Variants in VRTN observed in about 807,000 individuals in gnomAD.
The protein encoded by VRTN is vertnin.
A neutral mutation model predicts 18.2 loss-of-function variants in VRTN; 5 were observed. The observed-to-expected ratio is 0.27, with a 90% CI of 0.14 to 0.58. VRTN has a LOEUF of 0.58. Ranked by LOEUF, VRTN falls within the 20% of genes least tolerant of loss-of-function variation. The pLI is 0.91. For missense variants in VRTN, 741 were observed against 939.4 expected (o/e 0.79, Z 2.76); for synonymous variants, 381 against 393.7 (o/e 0.97, Z 0.38).
intron 1 of VRTN, among the ~76,000 whole-genome samples, chr14:74,307,538 T>C (rs2140190348): frequency 6.6e-6 from 1 of 152,198 alleles, no homozygotes; most frequent in South Asian, 2.1e-4. Flanking sequence ...AAAAAGAGTG[T>C]ATTGCATTGA....
In VRTN at chr14:74,335,152, A is replaced by G. The variant is rs1475380747; in HGVS notation, c.-163-2571A>G. Reference sequence around the variant, plus strand: ...CAAAATTAGCCAGGTGTGGTGGTGCATGCCTGCAATCCCAGTTACTAGGGA... The same window carrying G: ...CAAAATTAGCCAGGTGTGGTGGTGCGTGCCTGCAATCCCAGTTACTAGGGA... On this transcript the variant is annotated intron_variant, in intron 1 of 2. Coordinates refer to the VRTN transcript ENST00000557177. 2.6e-5 allele frequency among the ~76,000 whole-genome samples: 4 copies of G among 152,142 alleles called. No individual in the cohort carries two copies. In the East Asian group the frequency reaches 5.8e-4, roughly 22 times the overall value.
At chr14:74,308,102 C>G (rs1292995239) in intron 1 of VRTN, among the ~76,000 whole-genome samples, 1 of 151,696 alleles carries the variant, frequency 6.6e-6, no homozygotes, top group Admixed American at 6.6e-5. Context: ...TTATTTTTTT[C>G]TTTTCTAGGT....
intron 1 of VRTN, among the ~76,000 whole-genome samples, chr14:74,318,361 C>G (rs2085431294): frequency 6.6e-6 from 1 of 152,044 alleles, no homozygotes; most frequent in African/African-American, 2.4e-5. Context: ...ACCTCCGCCT[C>G]CTGGATTCAA....
In VRTN at chr14:74,357,851, C is replaced by T. The variant is rs1055285823; in HGVS notation, c.1068C>T (p.Gly356=). The change falls in exon 2 of 2, where the codon GGC becomes GGT. Residue 356 remains glycine (G), a synonymous_variant. Coordinates refer to ENST00000256362, the MANE Select transcript of VRTN (RefSeq NM_018228.3). This position sits in a 1 kb window ranked among gnomAD's most constrained non-coding sequence, Gnocchi z 7.8. The part of the protein sequence containing the change: ...TYYAWKHELL[G]SGTCPALPPR... ...ATGCCTGGAAGCATGAGCTGCTGGG[C>T]TCTGGCACCTGCCCGGCCTTGCCCC... 2.5e-6 allele frequency: 4 copies of T among 1,613,800 alleles called. No homozygotes were observed. The highest frequency in any genetic ancestry group is 1.7e-5 in the Admixed American group (1 of 60,022).
chr14:74,338,329 T>C (rs533079787), intron 2 of VRTN, among the ~76,000 whole-genome samples: 1 of 152,314 alleles, frequency 6.6e-6, no homozygotes, highest in East Asian at 1.9e-4. Context: ...ACAGCCCTCT[T>C]AGCACAGATC....
At chr14:74,331,966 G>A (rs1038632804) in intron 1 of VRTN, among the ~76,000 whole-genome samples, 6 of 151,992 alleles carry the variant, frequency 3.9e-5, no homozygotes, top group Non-Finnish European at 7.4e-5. Flanking sequence ...CTACATATGC[G>A]TCCAAAGGAA....
At chr14:74,321,055 A>G (rs2085453118) in intron 1 of VRTN, among the ~76,000 whole-genome samples, 1 of 152,152 alleles carries the variant, frequency 6.6e-6, no homozygotes, top group African/African-American at 2.4e-5. Flanking sequence ...AGCAGGTTCC[A>G]TGGAGTGGGT....
intron 2 of VRTN, among the ~76,000 whole-genome samples, chr14:74,342,639 G>A (rs1223940998): frequency 2.0e-5 from 3 of 151,458 alleles, no homozygotes; most frequent in Non-Finnish European, 4.4e-5. Context: ...AACACAAATG[G>A]CTTTTTTTTT....
chr14:74,303,727 C>T (rs2085196687), intron 1 of VRTN, among the ~76,000 whole-genome samples: 2 of 151,854 alleles, frequency 1.3e-5, no homozygotes, highest in African/African-American at 4.8e-5. Flanking sequence ...TTCTCACTTT[C>T]CTCCAATCCT....
intron 1 of VRTN, among the ~76,000 whole-genome samples, chr14:74,308,209 G>C (rs2085366923): frequency 1.3e-5 from 2 of 152,086 alleles, no homozygotes; most frequent in African/African-American, 4.8e-5. Flanking sequence ...GAGCCCAGGA[G>C]TTCAAGACCA....
At position 74,359,456 on chromosome 14, in the gene VRTN, G is replaced by A. The variant is rs774487759; in HGVS notation, c.*564G>A. On this transcript the variant is annotated 3_prime_UTR_variant, in exon 2 of 2. Coordinates refer to ENST00000256362, the MANE Select transcript of VRTN (RefSeq NM_018228.3). ...CTAGCGCTTTGGGAGGCCAAGGCAG[G>A]AGGATCACTTGAGGCTAGGAGTTAG... 3.6e-5 allele frequency: 6 copies of A among 167,462 alleles called. No individual in the cohort carries two copies. The highest frequency in any genetic ancestry group is 6.5e-5 in the Admixed American group (1 of 15,282). The allele number at this position is 167,462 out of a possible 1,614,324, so 10.4% of individuals were successfully genotyped here. A position where few individuals can be genotyped will look rare whatever the true frequency, so the allele number is the denominator to read the frequency against.
intron 1 of VRTN, among the ~76,000 whole-genome samples, chr14:74,319,499 C>CT (rs1370111181): frequency 6.6e-6 from 1 of 152,192 alleles, no homozygotes; most frequent in African/African-American, 2.4e-5. Context: ...TCAAGTGCAA[C>CT]TTTAAGGCTT....
Position 74,357,602 on chromosome 14 carries a change from G to A in VRTN, c.819G>A (p.Leu273=), listed in dbSNP as rs1459273957. ...CATCGCCGGCCAAGACCCTGGAGCT[G>A]CTCAACCGTGAACCTGGCCTCAGCT... ...PLSSPAKTLE[L]LNREPGLSYS... Residue 273 remains leucine (L), a synonymous_variant, in exon 2 of 2, where the codon CTG becomes CTA. Transcript: ENST00000256362. The surrounding 1 kb of genome is among the most constrained non-coding windows in gnomAD (Gnocchi z 7.8). The A allele has an allele frequency of 6.2e-7, 1 of 1,613,936 alleles. No homozygotes were observed. Among genetic ancestry groups the A allele is most frequent in the Non-Finnish European group, 8.5e-7 (1 of 1,180,048 alleles).
At chr14:74,344,608 A>C (rs1187030856), upstream of VRTN, among the ~76,000 whole-genome samples, 1 of 151,092 alleles carries the variant, frequency 6.6e-6, no homozygotes, top group East Asian at 1.9e-4. Context: ...GGTGGTGGGC[A>C]TCTGTAATCC....
intron 1 of VRTN, among the ~76,000 whole-genome samples, chr14:74,333,165 C>A (rs892959740): frequency 6.6e-6 from 1 of 151,994 alleles, no homozygotes; most frequent in Non-Finnish European, 1.5e-5. Context: ...GGCGGGTCAC[C>A]CGAGGTCGGG....
intron 2 of VRTN, among the ~76,000 whole-genome samples, chr14:74,343,410 G>A (rs1200402893): frequency 2.0e-5 from 3 of 152,216 alleles, no homozygotes; most frequent in Admixed American, 2.0e-4. Flanking sequence ...ACAGGCGTGA[G>A]CCACCGTGCC....
At chr14:74,354,594 G>A (rs946059701) in intron 1 of VRTN, among the ~76,000 whole-genome samples, 17 of 151,824 alleles carry the variant, frequency 1.1e-4, no homozygotes, top group Non-Finnish European at 2.1e-4. Flanking sequence ...TAGTAGAGAC[G>A]GGGTTTCACC....
At chr14:74,343,319 G>T (rs1230487128) in intron 2 of VRTN, among the ~76,000 whole-genome samples, 2 of 152,062 alleles carry the variant, frequency 1.3e-5, no homozygotes, top group Non-Finnish European at 2.9e-5. Flanking sequence ...TAGAGACAGG[G>T]TTTCACCATG....
Position 74,357,011 on chromosome 14 carries a change from G to T in VRTN, c.228G>T (p.Pro76=). ...AAGATGCTCCACGGAACATGCTGCC[G>T]CTGGTGTGCAAGGGGGAGGGCAGCC... ...YPEDAPRNML[P]LVCKGEGSLL... is the part of the protein sequence containing the mutation. The change falls in exon 2 of 2, where the codon CCG becomes CCT. Residue 76 remains proline, a synonymous_variant. Coordinates refer to ENST00000256362, the MANE Select transcript of VRTN (RefSeq NM_018228.3). This position sits in a 1 kb window ranked among gnomAD's most constrained non-coding sequence, Gnocchi z 7.8. The T allele has an allele frequency of 6.2e-7, 1 of 1,609,826 alleles. No individual in the cohort carries two copies. The highest frequency in any genetic ancestry group is 8.5e-7 in the Non-Finnish European group (1 of 1,177,808).
Sources: allele counts gnomAD v4.1 joint callset (sites outside exome capture counted in the v4.1 genomes callset), GRCh38; gene constraint gnomAD v4.1.1; non-coding constraint Gnocchi (gnomAD v3.1); transcripts MANE v1.5; gene names NCBI Gene and HGNC (gene_info 2026-07-23, HGNC 2026-07-21).